Variants in ACSM4 observed in about 807,000 individuals in gnomAD.
ACSM4 encodes the protein acyl-CoA synthetase medium chain family member 4.
In ACSM4, 66 loss-of-function variants were observed where a neutral mutation model predicts 73.0. The observed-to-expected ratio is 0.90, with a 90% CI of 0.74 to 1.11. The LOEUF (loss-of-function observed/expected upper bound fraction) is 1.11. ACSM4 is among the 50% of genes least tolerant of loss of function. The pLI is 0.00. For missense variants in ACSM4, 645 were observed against 714.4 expected, an observed-to-expected ratio of 0.90 and a Z score of 1.11; for synonymous variants, 222 against 254.0, an observed-to-expected ratio of 0.87 and a Z score of 1.20.
chr12:7,322,036 A>C lies in ACSM4; in HGVS notation c.1002-382A>C, dbSNP rs115397292. On this transcript the variant is annotated intron_variant, in intron 6 of 12. Coordinates refer to ENST00000399422, the MANE Select transcript of ACSM4 (RefSeq NM_001080454.2). The stretch of plus-strand genomic sequence containing the variant: ...CCTCATGTGTAAATAGGGGTTGAGA[A>C]GATTCTAAGAATGCTTCTAAAGCCC... 4.6e-3 allele frequency among the ~76,000 whole-genome samples: 701 copies of C among 152,312 alleles called. 2 individuals carry two copies. The highest frequency in any genetic ancestry group is 0.016 in the African/African-American group (658 of 41,550).
At chr12:7,323,583 T>C in intron 9 of ACSM4, 23 bp downstream of exon 9, 9 of 1,591,186 alleles carry the variant, frequency 5.7e-6, no homozygotes, top group Non-Finnish European at 6.9e-6. Context: ...AAAGTGCTGG[T>C]CATGCTTAAT....
At chr12:7,327,211 T>G (rs371642676) in intron 12 of ACSM4, 116 bp downstream of exon 12, 1 of 1,245,900 alleles carries the variant, frequency 8.0e-7, no homozygotes, top group African/African-American at 1.5e-5. Flanking sequence ...AGAAGACACT[T>G]TTCAATTTGT....
chr12:7,310,028 T>C (rs967650689), intron 2 of ACSM4, among the ~76,000 whole-genome samples: 6 of 152,290 alleles, frequency 3.9e-5, no homozygotes, highest in African/African-American at 1.4e-4. Flanking sequence ...GATTAAGTAA[T>C]CTACTGGCCT....
intron 2 of ACSM4, among the ~76,000 whole-genome samples, chr12:7,309,075 C>A (rs945010253): frequency 6.6e-6 from 1 of 152,198 alleles, no homozygotes; most frequent in Admixed American, 6.5e-5. Flanking sequence ...TTCTTGTTCC[C>A]AATAATTCAC....
At chr12:7,314,347 T>C (rs1192707319) in intron 3 of ACSM4, among the ~76,000 whole-genome samples, 1 of 152,126 alleles carries the variant, frequency 6.6e-6, no homozygotes, top group South Asian at 2.1e-4. Flanking sequence ...GAGGCAAAGA[T>C]ACAAAGCAAG....
chr12:7,310,773 A>G, intron 3 of ACSM4, 27 bp downstream of exon 3: 1 of 1,592,278 alleles, frequency 6.3e-7, no homozygotes, highest in Non-Finnish European at 8.6e-7. Flanking sequence ...GCCAATCTAC[A>G]CTGCTGGCAA....
Position 7,320,796 on chromosome 12 carries a change from C to T in ACSM4, c.993C>T (p.Asp331=). The T allele has an allele frequency of 6.2e-7, 1 of 1,612,294 alleles. No individual in the cohort carries two copies. Among genetic ancestry groups the T allele is most frequent in the Non-Finnish European group, 8.5e-7 (1 of 1,178,540 alleles). ...TGTACCGGATGCTCGTGCAAAAAGA[C>T]CTTAAGAGGTACTTGGGCAGAAATC... The part of the protein sequence containing the change: ...PTVYRMLVQK[D]LKRYKFKSLR... Residue 331 remains aspartate, a synonymous_variant, in exon 6 of 13, where the codon GAC becomes GAT. Coordinates refer to ENST00000399422, the MANE Select transcript of ACSM4 (RefSeq NM_001080454.2).
intron 9 of ACSM4, 135 bp downstream of exon 9, chr12:7,323,695 T>C: frequency 1.3e-6 from 1 of 762,508 alleles, no homozygotes; most frequent in Non-Finnish European, 2.2e-6. Flanking sequence ...CTATCATCTG[T>C]CACCCAAGAG....
Position 7,317,164 on chromosome 12 carries a change from G to A in ACSM4, c.648G>A (p.Val216=). The change falls in exon 4 of 13, where the codon GTG becomes GTA. Residue 216 remains valine (V), a synonymous_variant. Coordinates refer to ENST00000399422, the MANE Select transcript of ACSM4 (RefSeq NM_001080454.2). The part of the protein sequence containing the change: ...FQFASEEHSC[V]ETGSQEPMTI... ...TCGCCTCTGAAGAGCACAGCTGTGT[G>A]GAAACAGGAAGTCAAGAACCAATGA... is the stretch of plus-strand genomic sequence containing the variant. 6.2e-7 allele frequency: 1 copy of A among 1,613,024 alleles called. No homozygotes were observed. Among genetic ancestry groups the A allele is most frequent in the Non-Finnish European group, 8.5e-7 (1 of 1,179,526 alleles).
chr12:7,306,561 T>G lies in ACSM4; in HGVS notation c.230T>G (p.Leu77Arg), dbSNP rs1344137192. Residue 77 changes from leucine to arginine, a missense_variant, in exon 2 of 13, where the codon CTG becomes CGG. Transcript: ENST00000399422. ...GGGGAGAGACCAGCTAACCCAGCCC[T>G]GTGGTGGGTGAATGGCAAAGGGGAT... ...KTGERPANPA[L>R]WWVNGKGDEV... 4.4e-6 allele frequency: 7 copies of G among 1,599,558 alleles called. No homozygotes were observed. The African/African-American group carries it at 9.4e-5, about 21-fold the overall frequency.
chr12:7,311,599 C>T (rs998226535), intron 3 of ACSM4, among the ~76,000 whole-genome samples: 1 of 152,220 alleles, frequency 6.6e-6, no homozygotes, highest in Non-Finnish European at 1.5e-5. Flanking sequence ...TCATCCATTC[C>T]CTTATGTAGA....
intron 2 of ACSM4, among the ~76,000 whole-genome samples, chr12:7,310,113 T>C (rs1431619828): frequency 6.6e-6 from 1 of 152,218 alleles, no homozygotes; most frequent in African/African-American, 2.4e-5. Context: ...GAGAATTGAA[T>C]GAGACAGTGC....
intron 6 of ACSM4, among the ~76,000 whole-genome samples, chr12:7,321,172 C>T (rs1041897884): frequency 6.6e-6 from 1 of 151,982 alleles, no homozygotes; most frequent in African/African-American, 2.4e-5. Context: ...TCCCAGAACT[C>T]CCACTCAAAA....
chr12:7,328,652 A>G lies in ACSM4; in HGVS notation c.*279A>G, dbSNP rs1946529761. The G allele has an allele frequency of 4.9e-6, 1 of 204,856 alleles. No individual in the cohort carries two copies. Among genetic ancestry groups the G allele is most frequent in the Non-Finnish European group, 9.9e-6 (1 of 101,452 alleles). The allele number at this position is 204,856 out of a possible 1,614,324, so 12.7% of individuals were successfully genotyped here. On this transcript the variant is annotated 3_prime_UTR_variant, in exon 13 of 13. Transcript: ENST00000399422. ...AGGAATAAAATGATTGCTTAGAACA[A>G]GAAAGTGCACATTGAATCTGTATTT...
At chr12:7,308,907 T>A (rs1946375123) in intron 2 of ACSM4, among the ~76,000 whole-genome samples, 1 of 152,168 alleles carries the variant, frequency 6.6e-6, no homozygotes, top group African/African-American at 2.4e-5. Context: ...GGGAAATGTA[T>A]CTTTGAATCT....
At chr12:7,306,830 A>T in intron 2 of ACSM4, 87 bp downstream of exon 2, 1 of 1,142,446 alleles carries the variant, frequency 8.8e-7, no homozygotes, top group Non-Finnish European at 1.2e-6. Flanking sequence ...TCTGATTAAA[A>T]GTATGCATAC....
intron 3 of ACSM4, among the ~76,000 whole-genome samples, chr12:7,311,901 A>G (rs758159347): frequency 1.4e-4 from 21 of 152,184 alleles, no homozygotes; most frequent in African/African-American, 5.1e-4. Context: ...TGTTGGTTAG[A>G]CTGGTCTCGA....
rs1946429253 is a variant in ACSM4, at chr12:7,317,391, A to G, written c.764+111A>G. The stretch of plus-strand genomic sequence containing the variant: ...ATTGCTATAAGATATTGGCAATTAT[A>G]ATAGCTACAAAACAGAACTCTTGCT... On this transcript the variant is annotated intron_variant, in intron 4 of 12. Transcript: ENST00000399422. 3.6e-6 allele frequency: 5 copies of G among 1,372,346 alleles called. No individual in the cohort carries two copies. The East Asian group carries it at 1.1e-4, about 30-fold the overall frequency. 85.0% of individuals were successfully genotyped at this position (1,372,346 alleles called of 1,614,324 possible).
chr12:7,324,589 C>A lies in ACSM4; in HGVS notation c.1527C>A (p.Ile509=), dbSNP rs1366396647. 1.2e-6 allele frequency: 2 copies of A among 1,613,746 alleles called. No individual in the cohort carries two copies. Among genetic ancestry groups the A allele is most frequent in the East Asian group, 4.5e-5 (2 of 44,878 alleles). The part of the protein sequence containing the change: ...ESAVVSSPDQ[I]RGEVVKAFVV... ...CTGTTGTCAGTAGTCCAGATCAAAT[C>A]CGCGGAGAGGTAGATGAATGTCATT... The change falls in exon 11 of 13, where the codon ATC becomes ATA. Residue 509 remains isoleucine, a synonymous_variant. Coordinates refer to ENST00000399422, the MANE Select transcript of ACSM4 (RefSeq NM_001080454.2).
Sources: allele counts gnomAD v4.1 joint callset (sites outside exome capture counted in the v4.1 genomes callset), GRCh38; gene constraint gnomAD v4.1.1; transcripts MANE v1.5; gene names NCBI Gene and HGNC (gene_info 2026-07-23, HGNC 2026-07-21).